The following DLC1 variants were observed in gnomAD, a reference collection of about 807,000 sequenced individuals.
DLC1 encodes the protein DLC1 Rho GTPase activating protein, also known as rho GTPase-activating protein 7.
A neutral mutation model predicts 140.3 loss-of-function variants in DLC1; 54 were observed. That is an observed-to-expected ratio of 0.38 (90% CI 0.31 to 0.48). The LOEUF is 0.48. Ranked by LOEUF, DLC1 falls within the 20% of genes least tolerant of loss-of-function variation. The pLI, the probability that DLC1 is intolerant of heterozygous loss-of-function variation, is 0.96. For synonymous variants in DLC1, 986 were observed against 728.1 expected, an observed-to-expected ratio of 1.35 and a Z score of -5.70; for missense variants, 2,536 against 1,907.0, an observed-to-expected ratio of 1.33 and a Z score of -6.14.
intron 5 of DLC1, among the ~76,000 whole-genome samples, chr8:13,284,700 T>C (rs1053241507): frequency 6.6e-6 from 1 of 151,938 alleles, no homozygotes. Context: ...GATCACAGGA[T>C]TGAAGATTAA....
At chr8:13,401,131 C>T (rs924597216) in intron 3 of DLC1, among the ~76,000 whole-genome samples, 2 of 152,128 alleles carry the variant, frequency 1.3e-5, no homozygotes, top group African/African-American at 4.8e-5. Flanking sequence ...CAGTCATAGA[C>T]ATAGTGCTTG....
intron 5 of DLC1, among the ~76,000 whole-genome samples, chr8:13,267,963 A>G (rs1243333867): frequency 6.6e-6 from 1 of 152,120 alleles, no homozygotes; most frequent in Non-Finnish European, 1.5e-5. Context: ...TTTTATTAAG[A>G]GTGTTTCTGT....
rs1836266673 is a variant in DLC1, at chr8:13,381,624, G to A, written c.1314+11929C>T. ...GAACATTTTGGTTGCTTCACAGAGA[G>A]ATCCAGATGGAGAGGAGCCAGTTTG... On this transcript the variant is annotated intron_variant, in intron 4 of 17. Coordinates refer to ENST00000276297, the MANE Select transcript of DLC1 (RefSeq NM_182643.3). Among the ~76,000 whole-genome samples the A allele has an allele frequency of 2.0e-5, 3 of 152,320 alleles. No individual in the cohort carries two copies. In the South Asian group the frequency reaches 6.2e-4, roughly 32 times the overall value.
chr8:13,266,784 C>G (rs1440775757), intron 5 of DLC1, among the ~76,000 whole-genome samples: 1 of 152,026 alleles, frequency 6.6e-6, no homozygotes, highest in East Asian at 1.9e-4. Context: ...AGAGAAAGCC[C>G]TTTGCATGGT....
chr8:13,525,078 T>A (rs181294640), intron 1 of DLC1, among the ~76,000 whole-genome samples: 32 of 152,348 alleles, frequency 2.1e-4, no homozygotes, highest in Non-Finnish European at 4.0e-4. Flanking sequence ...TAGAAGTTTA[T>A]GTATATGAAG....
At chr8:13,264,318 C>T (rs561060784) in intron 5 of DLC1, among the ~76,000 whole-genome samples, 4 of 152,238 alleles carry the variant, frequency 2.6e-5, no homozygotes, top group African/African-American at 9.6e-5. Context: ...GGTCATCCAC[C>T]TACCTCGGCC....
At chr8:13,137,762 T>C (rs1313397301) in intron 5 of DLC1, among the ~76,000 whole-genome samples, 3 of 151,648 alleles carry the variant, frequency 2.0e-5, no homozygotes, top group Admixed American at 2.0e-4. Flanking sequence ...CACGCCTGGC[T>C]ACCTTTTATA....
intron 5 of DLC1, among the ~76,000 whole-genome samples, chr8:13,188,265 A>G (rs574743507): frequency 5.9e-5 from 9 of 151,434 alleles, no homozygotes; most frequent in African/African-American, 2.2e-4. Flanking sequence ...TATTGTTAGT[A>G]GAGAAGGGGT....
intron 5 of DLC1, among the ~76,000 whole-genome samples, chr8:13,244,297 ATT>A (rs60357765): frequency 0.17 from 22,564 of 135,680 alleles, 1,645 homozygotes; most frequent in South Asian, 0.21. Flanking sequence ...TCCCTTTCCA[ATT>A]TTTTTTTTTT....
intron 1 of DLC1, chr8:13,557,834 A>G (rs1342510866): frequency 6.6e-6 from 1 of 152,174 alleles, no homozygotes; most frequent in East Asian, 1.9e-4. Flanking sequence ...CCAGGTGTCT[A>G]AGTTAAATGC....
intron 5 of DLC1, among the ~76,000 whole-genome samples, chr8:13,146,116 C>T (rs114853324): frequency 4.2e-4 from 64 of 151,904 alleles, no homozygotes; most frequent in African/African-American, 1.4e-3. Flanking sequence ...CTACCAAAAA[C>T]ACAAAAAAAT....
At chr8:13,345,850 C>T (rs898586364) in intron 4 of DLC1, among the ~76,000 whole-genome samples, 7 of 152,190 alleles carry the variant, frequency 4.6e-5, no homozygotes, top group Non-Finnish European at 1.0e-4. Context: ...TCAGCCGCTG[C>T]ATCTGGCCAT....
chr8:13,580,271 C>T (rs1183907465), intron 1 of DLC1, among the ~76,000 whole-genome samples: 2 of 151,972 alleles, frequency 1.3e-5, no homozygotes, highest in African/African-American at 2.4e-5. Context: ...TACAGGCGAC[C>T]GCCACCACGC....
At chr8:13,520,941 A>C (rs1283658523) in intron 1 of DLC1, among the ~76,000 whole-genome samples, 1 of 152,042 alleles carries the variant, frequency 6.6e-6, no homozygotes, top group Non-Finnish European at 1.5e-5. Context: ...ATTCATGGCC[A>C]AAAAAAGGGT....
At chr8:13,447,898 A>G (rs1179062938) in intron 2 of DLC1, among the ~76,000 whole-genome samples, 1 of 152,094 alleles carries the variant, frequency 6.6e-6, no homozygotes, top group Non-Finnish European at 1.5e-5. Flanking sequence ...TAAATTTAAC[A>G]TTTTTAGGAA....
At chr8:13,163,153 T>G (rs1185721113) in intron 5 of DLC1, among the ~76,000 whole-genome samples, 1 of 152,170 alleles carries the variant, frequency 6.6e-6, no homozygotes, top group Admixed American at 6.5e-5. Context: ...TATATGTTAC[T>G]TGGCTCATAG....
intron 5 of DLC1, chr8:13,214,838 A>G: frequency 2.6e-6 from 2 of 761,496 alleles, no homozygotes; most frequent in South Asian, 1.4e-5. Flanking sequence ...GCTGGTGGCA[A>G]TCAATGAGTG....
At chr8:13,254,888 C>G (rs1364346391) in intron 5 of DLC1, among the ~76,000 whole-genome samples, 1 of 152,104 alleles carries the variant, frequency 6.6e-6, no homozygotes, top group Non-Finnish European at 1.5e-5. Flanking sequence ...GGGCACCGAT[C>G]CTGGAAATTG....
intron 4 of DLC1, among the ~76,000 whole-genome samples, chr8:13,363,232 T>C (rs1835320888): frequency 6.6e-6 from 1 of 152,246 alleles, no homozygotes; most frequent in African/African-American, 2.4e-5. Flanking sequence ...TAGTTTGTTA[T>C]CTTTCTGCCA....
Sources: allele counts gnomAD v4.1 joint callset (sites outside exome capture counted in the v4.1 genomes callset), GRCh38; gene constraint gnomAD v4.1.1; transcripts MANE v1.5; gene names NCBI Gene and HGNC (gene_info 2026-07-23, HGNC 2026-07-21).